Variants in RFX7 observed in about 807,000 individuals in gnomAD.
RFX7 encodes the protein regulatory factor X7, also known as DNA-binding protein RFX7.
RFX7 carries 26 observed loss-of-function variants against 111.8 expected under a neutral mutation model. The observed-to-expected ratio is 0.23, with a 90% CI of 0.17 to 0.32. RFX7 has a LOEUF of 0.32. Among genes scored for constraint, RFX7 ranks in the 10% least tolerant of loss-of-function variants. RFX7 has a pLI of 1.00. For synonymous variants in RFX7, 624 were observed against 624.4 expected, an observed-to-expected ratio of 1.00 and a Z score of 0.01; for missense variants, 1,573 against 1,772.9, an observed-to-expected ratio of 0.89 and a Z score of 2.02.
chr15:56,097,430 A>G (rs1350117527), intron 9 of RFX7, among the ~76,000 whole-genome samples: 1 of 152,100 alleles, frequency 6.6e-6, no homozygotes, highest in Non-Finnish European at 1.5e-5. Flanking sequence ...AAAAAAGAAA[A>G]GCGTTTAAAT....
At chr15:56,219,905 A>C (rs1401309075) in intron 2 of RFX7, among the ~76,000 whole-genome samples, 1 of 152,212 alleles carries the variant, frequency 6.6e-6, no homozygotes, top group Admixed American at 6.5e-5. Context: ...GCTGGGTCAT[A>C]TGGTAGTTCC....
rs776089803 is a variant in RFX7, at chr15:56,094,163, G to A, written c.3565C>T (p.Pro1189Ser). The change falls in exon 10 of 10, where the codon CCA (proline) becomes TCA (serine). Residue 1189 changes from proline to serine, a missense_variant. Transcript: ENST00000559447. ...CCAAAGGGGGTCACATTAGATCGTG[G>A]GATATTAGATACTGGATAGAGGGTG... ...GSTLYPVSNI[P>S]RSNVTPFGSP... The A allele has an allele frequency of 6.2e-7, 1 of 1,613,912 alleles. No homozygotes were observed. The highest frequency in any genetic ancestry group is 8.5e-7 in the Non-Finnish European group (1 of 1,179,866).
Position 56,221,079 on chromosome 15 carries a change from C to G in RFX7, c.161+22046G>C, listed in dbSNP as rs544097207. ...TACCATGCTGTTTTGGTTACTGTAG[C>G]CTTGTATTACATAATAGTTTGAAGT... On this transcript the variant is annotated intron_variant, in intron 2 of 9. Transcript: ENST00000559447. Among the ~76,000 whole-genome samples the G allele has an allele frequency of 5.9e-5, 9 of 152,270 alleles. No individual in the cohort carries two copies. In the South Asian group the frequency reaches 1.7e-3, roughly 28 times the overall value.
At chr15:56,165,260 T>G (rs1230344790) in intron 3 of RFX7, among the ~76,000 whole-genome samples, 1 of 152,166 alleles carries the variant, frequency 6.6e-6, no homozygotes, top group African/African-American at 2.4e-5. Flanking sequence ...ACCCCTGTTT[T>G]AAAGGATTAC....
At chr15:56,140,057 T>G (rs2042366520) in intron 5 of RFX7, among the ~76,000 whole-genome samples, 2 of 152,244 alleles carry the variant, frequency 1.3e-5, no homozygotes, top group Middle Eastern at 3.4e-3. Flanking sequence ...CAGAGGTTAC[T>G]GCTGTCTTTT....
intron 5 of RFX7, among the ~76,000 whole-genome samples, chr15:56,111,911 T>A (rs2041939092): frequency 6.6e-6 from 1 of 151,562 alleles, no homozygotes; most frequent in South Asian, 2.1e-4. Flanking sequence ...GGTCAGGAGG[T>A]CGAGACCAGC....
intron 3 of RFX7, among the ~76,000 whole-genome samples, chr15:56,164,931 A>G (rs770216123): frequency 6.6e-6 from 1 of 152,190 alleles, no homozygotes; most frequent in African/African-American, 2.4e-5. Context: ...TTTTAAAGCA[A>G]TGGTCCCCAA....
At chr15:56,193,126 C>T in intron 2 of RFX7, 1 of 241,132 alleles carries the variant, frequency 4.1e-6, no homozygotes, top group Admixed American at 4.1e-5. Context: ...TCTGGTCTAG[C>T]AACACTACTG....
chr15:56,240,150 T>G (rs1383021048), intron 2 of RFX7, among the ~76,000 whole-genome samples: 1 of 151,676 alleles, frequency 6.6e-6, no homozygotes, highest in African/African-American at 2.4e-5. Flanking sequence ...GGAATTCTAC[T>G]TTTTAGAAAA....
chr15:56,120,903 C>G lies in RFX7; in HGVS notation c.402-17233G>C, dbSNP rs542496627. On this transcript the variant is annotated intron_variant, in intron 5 of 9. Coordinates refer to ENST00000559447, the MANE Select transcript of RFX7 (RefSeq NM_022841.7). Reference sequence around the variant, plus strand: ...ACCTTTATACTCAAATATTGTCTCCCCATTTAAAAACTTGTTGTTGTTTCT... The same window carrying G: ...ACCTTTATACTCAAATATTGTCTCCGCATTTAAAAACTTGTTGTTGTTTCT... 5.3e-5 allele frequency among the ~76,000 whole-genome samples: 8 copies of G among 152,248 alleles called. No homozygotes were observed. The East Asian group carries it at 1.5e-3, about 29-fold the overall frequency.
intron 2 of RFX7, among the ~76,000 whole-genome samples, chr15:56,202,337 A>G (rs1025341610): frequency 6.6e-6 from 1 of 152,216 alleles, no homozygotes; most frequent in Non-Finnish European, 1.5e-5. Context: ...ATAAATATTG[A>G]GGTACTTAAG....
intron 5 of RFX7, among the ~76,000 whole-genome samples, chr15:56,115,409 A>G (rs1443195177): frequency 1.3e-5 from 2 of 152,172 alleles, no homozygotes; most frequent in African/African-American, 4.8e-5. Context: ...ATACAGACAG[A>G]AAGATTTATA....
chr15:56,111,544 A>T (rs12903144), intron 5 of RFX7, among the ~76,000 whole-genome samples: 47,389 of 150,648 alleles, frequency 0.31, 8,489 homozygotes, highest in Middle Eastern at 0.45. Flanking sequence ...TAGGAAAACC[A>T]GAGACCTTTG....
At chr15:56,212,665 T>C (rs1410060054) in intron 2 of RFX7, among the ~76,000 whole-genome samples, 1 of 152,118 alleles carries the variant, frequency 6.6e-6, no homozygotes, top group African/African-American at 2.4e-5. Context: ...GAAACTGCTC[T>C]AAGAAATAAA....
At chr15:56,156,309 A>G (rs764962481) in intron 3 of RFX7, among the ~76,000 whole-genome samples, 1 of 152,132 alleles carries the variant, frequency 6.6e-6, no homozygotes, top group Non-Finnish European at 1.5e-5. Context: ...TTAAAACTAC[A>G]AAGTATTTCA....
intron 8 of RFX7, among the ~76,000 whole-genome samples, chr15:56,098,841 C>G (rs1244853457): frequency 6.6e-6 from 1 of 152,124 alleles, no homozygotes; most frequent in Admixed American, 6.5e-5. Context: ...TTTGCTGAAG[C>G]CACTCCTCAT....
chr15:56,206,975 A>G (rs2043260331), intron 2 of RFX7, among the ~76,000 whole-genome samples: 1 of 152,268 alleles, frequency 6.6e-6, no homozygotes, highest in South Asian at 2.1e-4. Flanking sequence ...GTAAAAAATA[A>G]CTGAACATTT....
At chr15:56,132,084 C>T (rs1463848409) in intron 5 of RFX7, among the ~76,000 whole-genome samples, 2 of 151,726 alleles carry the variant, frequency 1.3e-5, no homozygotes, top group African/African-American at 4.8e-5. Context: ...AAAGGGAAAA[C>T]ATTAATGAAG....
upstream of RFX7, chr15:56,243,907 A>C (rs1345736598): frequency 1.3e-5 from 2 of 148,762 alleles, no homozygotes; most frequent in African/African-American, 4.9e-5. Flanking sequence ...AGACCGCACA[A>C]CACCTACCGC....
Sources: gnomAD v4.1 joint callset for allele counts (sites outside exome capture counted in the v4.1 genomes callset) on GRCh38, gnomAD v4.1.1 for gene constraint, MANE v1.5 for transcripts, NCBI Gene and HGNC (gene_info 2026-07-23, HGNC 2026-07-21) for gene names.